Variants in STK3 observed in about 807,000 individuals in gnomAD.
STK3 encodes the protein serine/threonine kinase 3.
In STK3, 41 loss-of-function variants were observed where a neutral mutation model predicts 58.0. The ratio of observed to expected loss-of-function variants is 0.71; its 90% CI spans 0.55 to 0.92. The LOEUF is 0.92. STK3 is among the 40% of genes least tolerant of loss of function. STK3 has a pLI of 0.00. For synonymous variants in STK3, 170 were observed against 191.0 expected (o/e 0.89, Z 0.91); for missense variants, 479 against 602.7 (o/e 0.79, Z 2.15).
At chr8:98,634,493 C>A (rs951249903) in intron 6 of STK3, among the ~76,000 whole-genome samples, 1 of 151,846 alleles carries the variant, frequency 6.6e-6, no homozygotes, top group Non-Finnish European at 1.5e-5. Context: ...GAGTGAGACC[C>A]TGTCTCAAAA....
intron 6 of STK3, among the ~76,000 whole-genome samples, chr8:98,685,801 G>A (rs1823948716): frequency 6.6e-6 from 1 of 151,902 alleles, no homozygotes; most frequent in Non-Finnish European, 1.5e-5. Flanking sequence ...AGAGGGGGGT[G>A]AGGGGAGAGT....
At chr8:98,393,023 TTC>T, upstream of STK3, among the ~76,000 whole-genome samples, 1 of 152,254 alleles carries the variant, frequency 6.6e-6, no homozygotes, top group Non-Finnish European at 1.5e-5. Flanking sequence ...TTGCAGCCAT[TTC>T]TCTCTGAGGG....
intron 4 of STK3, among the ~76,000 whole-genome samples, chr8:98,727,996 C>T (rs187401864): frequency 1.3e-5 from 2 of 152,234 alleles, no homozygotes; most frequent in Admixed American, 1.3e-4. Context: ...AATACTTAAG[C>T]TTACATGTAA....
intron 6 of STK3, among the ~76,000 whole-genome samples, chr8:98,624,331 T>C (rs1587067376): frequency 6.6e-6 from 1 of 152,186 alleles, no homozygotes; most frequent in East Asian, 1.9e-4. Context: ...TAGCTGTGTC[T>C]TGGGTTGTTA....
intron 10 of STK3, among the ~76,000 whole-genome samples, chr8:98,477,357 C>T (rs1260701181): frequency 6.6e-6 from 1 of 152,050 alleles, no homozygotes; most frequent in Non-Finnish European, 1.5e-5. Context: ...AATTCTTAGG[C>T]CTAGCTGAAA....
chr8:98,888,664 G>A (rs1838083362), intron 1 of STK3, among the ~76,000 whole-genome samples: 1 of 152,154 alleles, frequency 6.6e-6, no homozygotes, highest in African/African-American at 2.4e-5. Context: ...GAAGCAAAAA[G>A]GAATTCAAAA....
At chr8:98,615,880 A>G (rs1162859046) in intron 6 of STK3, among the ~76,000 whole-genome samples, 1 of 24,540 alleles carries the variant, frequency 4.1e-5, no homozygotes, top group Non-Finnish European at 7.8e-5. Context: ...AAGTTGGAAA[A>G]CACTCTGCAG....
At chr8:98,688,429 GACATCT>G (rs1341461241) in intron 6 of STK3, among the ~76,000 whole-genome samples, 1 of 152,122 alleles carries the variant, frequency 6.6e-6, no homozygotes, top group Non-Finnish European at 1.5e-5. Context: ...GAACCTGATA[GACATCT>G]ACAGAATACT....
chr8:98,562,447 T>C (rs1812119965), intron 8 of STK3, among the ~76,000 whole-genome samples: 1 of 152,048 alleles, frequency 6.6e-6, no homozygotes, highest in Non-Finnish European at 1.5e-5. Context: ...ATTCCAATTA[T>C]ATGATATTCT....
intron 1 of STK3, among the ~76,000 whole-genome samples, chr8:98,913,407 A>T (rs941877898): frequency 1.3e-5 from 2 of 152,250 alleles, no homozygotes; most frequent in African/African-American, 2.4e-5. Flanking sequence ...GTTCTTTAAA[A>T]GTTAATTCAG....
intron 3 of STK3, chr8:98,412,847 T>G (rs919880017): frequency 3.5e-4 from 78 of 220,202 alleles, no homozygotes; most frequent in Non-Finnish European, 2.8e-4. Context: ...AATGTATCCC[T>G]ACATATGCAT....
intron 6 of STK3, among the ~76,000 whole-genome samples, chr8:98,601,205 T>C (rs1458205102): frequency 1.3e-5 from 2 of 152,024 alleles, no homozygotes; most frequent in Non-Finnish European, 2.9e-5. Flanking sequence ...TATTTAAAAG[T>C]ATTTAAAAAT....
At chr8:98,887,074 GC>G (rs1454309434) in intron 1 of STK3, among the ~76,000 whole-genome samples, 3 of 151,992 alleles carry the variant, frequency 2.0e-5, no homozygotes, top group Non-Finnish European at 4.4e-5. Flanking sequence ...TCCAGCCTGG[GC>G]AACAGAGCGA....
intron 1 of STK3, among the ~76,000 whole-genome samples, chr8:98,811,178 C>A (rs1834193127): frequency 6.6e-6 from 1 of 152,178 alleles, no homozygotes; most frequent in Non-Finnish European, 1.5e-5. Context: ...GAGGCACTGG[C>A]AAGAGTGCTA....
chr8:98,707,507 A>G (rs986297361), intron 4 of STK3, among the ~76,000 whole-genome samples, 196 bp from the exon 5 acceptor site: 2 of 152,038 alleles, frequency 1.3e-5, no homozygotes, highest in African/African-American at 2.4e-5. Context: ...GGCTCAAGGC[A>G]TGCTCCCACC....
At chr8:98,913,224 T>C (rs2131986392) in intron 1 of STK3, among the ~76,000 whole-genome samples, 1 of 152,276 alleles carries the variant, frequency 6.6e-6, no homozygotes, top group Middle Eastern at 3.4e-3. Flanking sequence ...ATATTTTCAC[T>C]TGATTTATGC....
chr8:98,783,509 G>A (rs1832253968), intron 1 of STK3, among the ~76,000 whole-genome samples: 6 of 152,168 alleles, frequency 3.9e-5, no homozygotes, highest in Admixed American at 3.9e-4. Context: ...CTTTTTGCTG[G>A]TGGAGAATCT....
intron 3 of STK3, among the ~76,000 whole-genome samples, chr8:98,843,125 T>A (rs1836062210): frequency 1.3e-5 from 2 of 151,768 alleles, no homozygotes. Flanking sequence ...CTGGAAATGT[T>A]GTTTATGATA....
At chr8:98,757,318 T>A (rs1830350740) in intron 3 of STK3, among the ~76,000 whole-genome samples, 1 of 147,946 alleles carries the variant, frequency 6.8e-6, no homozygotes, top group South Asian at 2.2e-4. Flanking sequence ...GTAGCTGGGA[T>A]TACAGGCACC....
Sources: allele counts gnomAD v4.1 joint callset (sites outside exome capture counted in the v4.1 genomes callset), GRCh38; gene constraint gnomAD v4.1.1; transcripts MANE v1.5; gene names NCBI Gene and HGNC (gene_info 2026-07-23, HGNC 2026-07-21).